Variants in FAM53A observed in about 807,000 individuals in gnomAD.
The protein encoded by FAM53A is family with sequence similarity 53 member A, also known as protein FAM53A.
A neutral mutation model predicts 26.6 loss-of-function variants in FAM53A; 28 were observed. The observed-to-expected ratio is 1.05, with a 90% CI of 0.78 to 1.45. The LOEUF is 1.45. Ranked by LOEUF, FAM53A falls within the 40% of genes most tolerant of loss-of-function variation. The pLI, the probability that FAM53A is intolerant of heterozygous loss-of-function variation, is 0.00. For synonymous variants in FAM53A, 290 were observed against 253.1 expected (o/e 1.15, Z -1.38); for missense variants, 650 against 575.8 (o/e 1.13, Z -1.32).
At chr4:1,679,921 C>CGCCT (rs1368013059) in intron 1 of FAM53A, among the ~76,000 whole-genome samples, 1 of 151,126 alleles carries the variant, frequency 6.6e-6, no homozygotes, top group Non-Finnish European at 1.5e-5. Flanking sequence ...TGATGGCAGG[C>CGCCT]GCCTGTAAGC....
the FAM53A span, among the ~76,000 whole-genome samples, chr4:1,594,356 C>T: frequency 6.6e-6 from 1 of 152,152 alleles, no homozygotes. Flanking sequence ...TGTGGGGGGA[C>T]CCTGGGCAGG....
At position 1,642,697 on chromosome 4, in the gene FAM53A, C is replaced by G. The variant is rs1488427382; in HGVS notation, c.883-1090G>C. The stretch of plus-strand genomic sequence containing the variant: ...CCCCGCCACCTCCCAGTCCTTGCCT[C>G]AAGTCCCCCGTCTGTGGTGCCCAGC... On this transcript the variant is annotated intron_variant, in intron 4 of 4. Transcript: ENST00000308132. Among the ~76,000 whole-genome samples, 4 of 151,158 alleles carry G rather than the reference C, an allele frequency of 2.6e-5. No homozygotes were observed. The East Asian group carries it at 7.8e-4, about 29-fold the overall frequency.
At chr4:1,613,325 G>A (rs985373333), downstream of FAM53A, among the ~76,000 whole-genome samples, 4 of 152,294 alleles carry the variant, frequency 2.6e-5, no homozygotes, top group African/African-American at 7.2e-5. Flanking sequence ...TCCTGTCACC[G>A]GGTCCTCACC....
intron 1 of FAM53A, among the ~76,000 whole-genome samples, chr4:1,626,492 C>T (rs1229205810): frequency 6.6e-5 from 10 of 151,774 alleles, no homozygotes; most frequent in African/African-American, 4.8e-5. Flanking sequence ...GCCCTGAGCC[C>T]GGGGGGACCA....
In FAM53A at chr4:1,674,272, C is replaced by T. The variant is rs75400947; in HGVS notation, c.-164-5367G>A. 6.4e-3 allele frequency among the ~76,000 whole-genome samples: 980 copies of T among 152,318 alleles called. 12 individuals carry two copies. Among genetic ancestry groups the T allele is most frequent in the African/African-American group, 0.022 (921 of 41,576 alleles). ...CTCTGTCACCATGCGGCCTTCTCCC[C>T]AGCGCCACAGAGTCTCTGTATCGCT... On this transcript the variant is annotated intron_variant, in intron 1 of 4. Transcript: ENST00000308132.
downstream of FAM53A, among the ~76,000 whole-genome samples, chr4:1,614,288 G>C (rs1469430106): frequency 6.6e-6 from 1 of 152,032 alleles, no homozygotes; most frequent in African/African-American, 2.4e-5. Context: ...CCAAAGTCAC[G>C]GGGCCTGCTG....
At chr4:1,631,032 G>C (rs1715590052) in intron 1 of FAM53A, among the ~76,000 whole-genome samples, 1 of 152,188 alleles carries the variant, frequency 6.6e-6, no homozygotes, top group Non-Finnish European at 1.5e-5. Context: ...GACTGGGGGA[G>C]ACCCTGTCTC....
chr4:1,582,623 A>G, the FAM53A span, among the ~76,000 whole-genome samples: 1 of 152,162 alleles, frequency 6.6e-6, no homozygotes, highest in Admixed American at 6.5e-5. Flanking sequence ...TGGGAGGCCG[A>G]GGCGGGAGGA....
Position 1,655,663 on chromosome 4 carries a change from C to A in FAM53A, c.197G>T (p.Gly66Val), listed in dbSNP as rs1416231484. 1 of 1,595,478 alleles carries A rather than the reference C, an allele frequency of 6.3e-7. No individual in the cohort carries two copies. Among genetic ancestry groups the A allele is most frequent in the Non-Finnish European group, 8.5e-7 (1 of 1,173,112 alleles). The change falls in exon 4 of 5, where the codon GGC becomes GTC. Residue 66 changes from glycine to valine, a missense_variant. By Grantham distance (109) the Gly-to-Val change is moderately radical. Transcript: ENST00000308132. Reference protein sequence around the residue: ...GPPVRSQAATGPDFSFLPGLS... With the variant: ...GPPVRSQAATVPDFSFLPGLS... ...GCCCGGCAGGAAGGAGAAATCAGGGCCCGTGGCTGCCTGGCTTCTGACGGG... is the reference window on the plus strand; with the variant it reads ...GCCCGGCAGGAAGGAGAAATCAGGGACCGTGGCTGCCTGGCTTCTGACGGG...
chr4:1,653,621 T>C (rs1344339237), intron 4 of FAM53A, among the ~76,000 whole-genome samples: 1 of 152,182 alleles, frequency 6.6e-6, no homozygotes. Context: ...GGTCAGCCCA[T>C]CTCATAGCAA....
intron 1 of FAM53A, among the ~76,000 whole-genome samples, chr4:1,681,211 G>C (rs550992149): frequency 1.3e-5 from 2 of 152,094 alleles, no homozygotes; most frequent in Middle Eastern, 3.4e-3. Context: ...ATTCTCCCAC[G>C]TCAGCCTCCC....
Position 1,668,816 on chromosome 4 carries a change from G to A in FAM53A, c.-75C>T, listed in dbSNP as rs529709817. Reference sequence around the variant, plus strand: ...GAACATCAGACTTGCGAAGGCCCCAGCATTGCTGGGTCAGCCAAATCTCAA... The same window carrying A: ...GAACATCAGACTTGCGAAGGCCCCAACATTGCTGGGTCAGCCAAATCTCAA... On this transcript the variant is annotated 5_prime_UTR_variant, in exon 2 of 5. Transcript: ENST00000308132. The A allele has an allele frequency of 3.1e-5, 45 of 1,433,590 alleles. No homozygotes were observed. In the African/African-American group the frequency reaches 5.9e-4, roughly 19 times the overall value. 88.8% of individuals were successfully genotyped at this position (1,433,590 alleles called of 1,614,324 possible). A position where few individuals can be genotyped will look rare whatever the true frequency, so the allele number is the denominator to read the frequency against.
Position 1,640,335 on chromosome 4 carries a change from G to A in FAM53A, c.*958C>T, listed in dbSNP as rs947951797. 6 of 220,198 alleles carry A rather than the reference G, an allele frequency of 2.7e-5. No individual in the cohort carries two copies. Among genetic ancestry groups the A allele is most frequent in the East Asian group, 1.8e-4 (1 of 5,452 alleles). 13.6% of individuals were successfully genotyped at this position (220,198 alleles called of 1,614,324 possible). On this transcript the variant is annotated 3_prime_UTR_variant, in exon 5 of 5. Coordinates refer to ENST00000308132, the MANE Select transcript of FAM53A (RefSeq NM_001174070.3). ...GCGCAAGCCCCAAGCACCGTGACCC[G>A]TCGGGAGGGGGGGACACACGGGGCC...
chr4:1,621,239 G>A (rs1399960503), intron 1 of FAM53A, among the ~76,000 whole-genome samples: 8 of 151,514 alleles, frequency 5.3e-5, no homozygotes, highest in African/African-American at 1.7e-4. Flanking sequence ...GCATAACTGG[G>A]ACTACAGGCG....
the FAM53A span, among the ~76,000 whole-genome samples, chr4:1,608,127 AAAAC>A: frequency 6.6e-6 from 1 of 152,040 alleles, no homozygotes; most frequent in Non-Finnish European, 1.5e-5. Flanking sequence ...AATAAAAACA[AAAAC>A]AAAAAAATCA....
In FAM53A at chr4:1,675,690, C is replaced by A. The variant is rs1250658333; in HGVS notation, c.-164-6785G>T. On this transcript the variant is annotated intron_variant, in intron 1 of 4. Coordinates refer to ENST00000308132, the MANE Select transcript of FAM53A (RefSeq NM_001174070.3). ...CCTACACTCATTCCCATACACTGGG[C>A]AACCCTTGGCCCGACCTCAGCGGAA... is the stretch of plus-strand genomic sequence containing the variant. 3.3e-5 allele frequency among the ~76,000 whole-genome samples: 5 copies of A among 152,246 alleles called. No individual in the cohort carries two copies. The South Asian group carries it at 8.3e-4, about 25-fold the overall frequency.
At chr4:1,637,597 A>C (rs1340535648), downstream of FAM53A, among the ~76,000 whole-genome samples, 3 of 150,668 alleles carry the variant, frequency 2.0e-5, no homozygotes, top group Non-Finnish European at 3.0e-5. Flanking sequence ...GCAGTGGGGA[A>C]GGCCCCAGGA....
chr4:1,590,963 T>C, the FAM53A span, among the ~76,000 whole-genome samples: 7,552 of 48,220 alleles, frequency 0.16, 566 homozygotes, highest in Admixed American at 0.22. Flanking sequence ...TGCATATATA[T>C]ATATATATAT....
the FAM53A span, among the ~76,000 whole-genome samples, chr4:1,607,736 T>G: frequency 6.6e-6 from 1 of 151,802 alleles, no homozygotes; most frequent in African/African-American, 2.4e-5. Context: ...AGGTCGGGAG[T>G]TGGAGACCAG....
Sources: allele counts gnomAD v4.1 joint callset (sites outside exome capture counted in the v4.1 genomes callset), GRCh38; gene constraint gnomAD v4.1.1; transcripts MANE v1.5; gene names NCBI Gene and HGNC (gene_info 2026-07-23, HGNC 2026-07-21).